TKT: variants seen among roughly 807,000 people sequenced by gnomAD.
TKT encodes transketolase, also known as epididymis luminal protein 107.
Under a neutral mutation model 63.9 loss-of-function variants are expected in TKT, and 47 were observed. That is an observed-to-expected ratio of 0.74 (90% CI 0.58 to 0.94). The LOEUF (loss-of-function observed/expected upper bound fraction) is 0.94. Ranked by LOEUF, TKT falls within the 40% of genes least tolerant of loss-of-function variation. TKT has a pLI of 0.00. For missense variants in TKT, 721 were observed against 846.2 expected (o/e 0.85, Z 1.84); for synonymous variants, 338 against 334.1 (o/e 1.01, Z -0.13).
intron 12 of TKT, chr3:53,227,132 G>A (rs1704534861): frequency 2.3e-6 from 1 of 430,482 alleles, no homozygotes; most frequent in Non-Finnish European, 4.2e-6. Context: ...GAGCGTGCAG[G>A]CCCTGAGCGC....
At chr3:53,249,063 T>G (rs1368526997) in intron 1 of TKT, among the ~76,000 whole-genome samples, 1 of 151,466 alleles carries the variant, frequency 6.6e-6, no homozygotes, top group Non-Finnish European at 1.5e-5. Flanking sequence ...GCCTCCCGGG[T>G]TCAAGCGATT....
chr3:53,239,491 TAG>T (rs1325869165), intron 4 of TKT, among the ~76,000 whole-genome samples: 3 of 152,080 alleles, frequency 2.0e-5, no homozygotes, highest in African/African-American at 7.2e-5. Context: ...GTATTTTTTG[TAG>T]AGAGAGTCTT....
At position 53,255,991 on chromosome 3, in the gene TKT, G is replaced by A. The variant is rs558682272; in HGVS notation, c.-49C>T. On this transcript the variant is annotated 5_prime_UTR_variant, in exon 1 of 14. Transcript: ENST00000462138. ...GCACACGCGGACACACAGAGATAGC[G>A]GCTGCTCCCGCGGCGACAGGCGGCT... 2.7e-5 allele frequency: 36 copies of A among 1,334,442 alleles called. No homozygotes were observed. Among genetic ancestry groups the A allele is most frequent in the Middle Eastern group, 4.0e-4 (2 of 4,946 alleles). The allele number at this position is 1,334,442 out of a possible 1,614,324, so 82.7% of individuals were successfully genotyped here. A position where few individuals can be genotyped will look rare whatever the true frequency, so the allele number is the denominator to read the frequency against.
At position 53,228,288 on chromosome 3, in the gene TKT, G is replaced by A. The variant is rs781933293; in HGVS notation, c.1467C>T (p.Val489=). The A allele has an allele frequency of 1.4e-5, 22 of 1,614,060 alleles. No homozygotes were observed. In the East Asian group the frequency reaches 1.8e-4, roughly 13 times the overall value. Residue 489 remains valine, a synonymous_variant, in exon 11 of 14, where the codon GTC becomes GTT. Transcript: ENST00000462138. ...IIYNNNEDFQ[V]GQAKVVLKSK... is the part of the protein sequence containing the mutation. ...GCGAGGCACTGACCTTGGCTTGTCC[G>A]ACCTGGAAGTCCTCATTGTTGTTAT...
rs1704758275 is a variant in TKT, at chr3:53,231,512, G to C, written c.787C>G (p.Pro263Ala). 3 of 1,614,130 alleles carry C rather than the reference G, an allele frequency of 1.9e-6. No homozygotes were observed. The highest frequency in any genetic ancestry group is 2.5e-6 in the Non-Finnish European group (3 of 1,180,016). Residue 263 changes from proline to alanine, a missense_variant, in exon 7 of 14, where the codon CCC (proline) becomes GCC (alanine). Transcript: ENST00000462138. ...DKESWHGKPL[P>A]KNMAEQIIQE... ...ATGATCTGCTCAGCCATGTTTTTGG[G>C]GAGGGGCTTCCCATGCCAAGACTCC... is the stretch of plus-strand genomic sequence containing the variant.
At chr3:53,228,442 C>G in intron 10 of TKT, 83 bp from the exon 11 acceptor site, 1 of 1,495,296 alleles carries the variant, frequency 6.7e-7, no homozygotes, top group Non-Finnish European at 9.2e-7. Context: ...GAGGCCATCC[C>G]TTCCCATGGG....
At chr3:53,233,904 T>C (rs1204380133) in intron 5 of TKT, 1 of 152,264 alleles carries the variant, frequency 6.6e-6, no homozygotes, top group African/African-American at 2.4e-5. Context: ...CATGCTTGGG[T>C]GCTGAGCTGG....
Position 53,233,260 on chromosome 3 carries a change from A to G in TKT, c.644T>C (p.Ile215Thr). Residue 215 changes from isoleucine (I) to threonine (T), a missense_variant, in exon 6 of 14, where the codon ATC becomes ACC. Coordinates refer to ENST00000462138, the MANE Select transcript of TKT (RefSeq NM_001064.4). ...RCEAFGWHAI[I>T]VDGHSVEELC... ...CTCCTCCACGCTGTGTCCATCCACG[A>G]TGATGGCATGCCAACTGGGGACAGG... 1 of 1,611,258 alleles carries G rather than the reference A, an allele frequency of 6.2e-7. No homozygotes were observed. The highest frequency in any genetic ancestry group is 2.2e-5 in the East Asian group (1 of 44,708).
rs200097960 is a variant in TKT at position 53,252,846 on chromosome 3, T to TTC, written c.107+2989_107+2990insGA. 8.0e-3 allele frequency among the ~76,000 whole-genome samples: 1,197 copies of TTC among 150,114 alleles called. 24 individuals are homozygous for TTC. The highest frequency in any genetic ancestry group is 0.051 in the Admixed American group (773 of 15,054). ...AGACTGCTTGCCCAAGAGGCATTCTTTTTTTTTTTTGAGAAGAAGTTTCAA... is the reference window on the plus strand; with the variant it reads ...AGACTGCTTGCCCAAGAGGCATTCTTTCTTTTTTTTTTGAGAAGAAGTTTCAA... On this transcript the variant is annotated intron_variant, in intron 1 of 13. Coordinates refer to ENST00000462138, the MANE Select transcript of TKT (RefSeq NM_001064.4).
chr3:53,242,763 A>T, intron 1 of TKT, among the ~76,000 whole-genome samples: 2 of 152,084 alleles, frequency 1.3e-5, no homozygotes, highest in Non-Finnish European at 2.9e-5. Context: ...CTGCCCTCTC[A>T]GCACCCAGGG....
chr3:53,245,120 A>G (rs1705449620), intron 1 of TKT, among the ~76,000 whole-genome samples: 1 of 151,312 alleles, frequency 6.6e-6, no homozygotes, highest in Non-Finnish European at 1.5e-5. Context: ...CCTGGCCAAT[A>G]TGGTAAAACC....
intron 4 of TKT, chr3:53,235,399 C>T (rs549273528): frequency 1.6e-4 from 71 of 453,734 alleles, no homozygotes; most frequent in South Asian, 1.5e-3. Context: ...ACGTCAGGAG[C>T]TCAGGAAGAA....
intron 13 of TKT, 143 bp downstream of exon 13, chr3:53,226,613 C>T: frequency 1.6e-6 from 2 of 1,240,604 alleles, no homozygotes; most frequent in East Asian, 4.8e-5. Context: ...TTTTAAGAGA[C>T]CACGTCCCAG....
At chr3:53,227,559 G>C (rs1704552823) in intron 12 of TKT, 1 of 160,086 alleles carries the variant, frequency 6.2e-6, no homozygotes, top group Non-Finnish European at 1.4e-5. Flanking sequence ...TATTGCAGGA[G>C]AGGCCAATGC....
Position 53,230,474 on chromosome 3 carries a change from T to G in TKT, c.1090A>C (p.Ile364Leu). 1 of 1,614,234 alleles carries G rather than the reference T, an allele frequency of 6.2e-7. No homozygotes were observed. Among genetic ancestry groups the G allele is most frequent in the Non-Finnish European group, 8.5e-7 (1 of 1,180,030 alleles). ...EHPDRFIECY[I>L]AEQNMVSIAV... ...GCACCTACCATGTTCTGCTCAGCAA[T>G]GTAGCACTCGATGAAGCGGTCCGGG... Residue 364 changes from isoleucine to leucine, a missense_variant, in exon 8 of 14, where the codon ATT (isoleucine) becomes CTT (leucine). Physicochemically the swap from Ile to Leu is conservative, Grantham distance 5. Transcript: ENST00000462138.
chr3:53,228,547 C>T (rs1704603427), intron 10 of TKT, 188 bp from the exon 11 acceptor site: 1 of 625,440 alleles, frequency 1.6e-6, no homozygotes, highest in South Asian at 1.9e-5. Context: ...TGAGAACTGC[C>T]CACCACCTTG....
chr3:53,240,837 G>C (rs575682747), intron 3 of TKT, among the ~76,000 whole-genome samples: 28 of 152,288 alleles, frequency 1.8e-4, no homozygotes, highest in Admixed American at 8.5e-4. Context: ...CTCTTCCCAA[G>C]CTGTAGCTAC....
intron 6 of TKT, 56 bp from the exon 7 acceptor site, chr3:53,231,606 GCCAGGAGGCTGCT>G: frequency 6.5e-7 from 1 of 1,544,492 alleles, no homozygotes; most frequent in Non-Finnish European, 8.8e-7. Flanking sequence ...CTCCCAGAGG[GCCAGGAGGCTGCT>G]CCAGGAGACT....
Position 53,225,936 on chromosome 3 carries a change from A to G in TKT, c.1697-5T>C. On this transcript the variant is annotated splice_polypyrimidine_tract_variant and splice_region_variant and intron_variant, in intron 13 of 13. Coordinates refer to ENST00000462138, the MANE Select transcript of TKT (RefSeq NM_001064.4). Reference sequence around the variant, plus strand: ...ACACAGCCTCACCAATGCCACCTAGAAATGAAAGGAGGGGAGTCAGAAGAC... The same window carrying G: ...ACACAGCCTCACCAATGCCACCTAGGAATGAAAGGAGGGGAGTCAGAAGAC... The G allele has an allele frequency of 6.2e-7, 1 of 1,603,780 alleles. No individual in the cohort carries two copies. Among genetic ancestry groups the G allele is most frequent in the Non-Finnish European group, 8.5e-7 (1 of 1,173,508 alleles).
Sources: allele counts gnomAD v4.1 joint callset (sites outside exome capture counted in the v4.1 genomes callset), GRCh38; gene constraint gnomAD v4.1.1; transcripts MANE v1.5; gene names NCBI Gene and HGNC (gene_info 2026-07-23, HGNC 2026-07-21).